The following SATL1 variants were observed in gnomAD, a reference collection of about 807,000 sequenced individuals.
SATL1 encodes the protein spermidine/spermine N(1)-acetyltransferase-like protein 1.
Under a neutral mutation model 51.8 loss-of-function variants are expected in SATL1, and 47 were observed. That is an observed-to-expected ratio of 0.91 (90% CI 0.72 to 1.16). The LOEUF (loss-of-function observed/expected upper bound fraction) is 1.16, where lower values mean the gene tolerates loss of function less well. Ranked by LOEUF, SATL1 falls within the 50% of genes most tolerant of loss-of-function variation. The pLI is 0.00. For synonymous variants in SATL1, 176 were observed against 182.4 expected, an observed-to-expected ratio of 0.97 and a Z score of 0.28; for missense variants, 520 against 526.4, an observed-to-expected ratio of 0.99 and a Z score of 0.12.
intron 2 of SATL1, among the ~76,000 whole-genome samples, chrX:85,162,472 T>C (rs1416003411): frequency 3.6e-5 from 4 of 111,770 alleles, no homozygotes; most frequent in African/African-American, 9.8e-5. Flanking sequence ...TATACTATCA[T>C]ATCACTGGTG....
rs1486199073 is a variant in SATL1 at position 85,224,195 on chromosome X, C to T, written c.-313+10G>A. On this transcript the variant is annotated intron_variant, in intron 2 of 7. Transcript: ENST00000644105. ...CCTCCAGAGGCTCTAGGGGAAAATC[C>T]ATTCCTTACCTCTTCCAACTTCTGA... 9.0e-6 allele frequency: 1 copy of T among 111,453 alleles called. No individual in the cohort carries two copies. The highest frequency in any genetic ancestry group is 1.9e-5 in the Non-Finnish European group (1 of 53,026). 9.2% of individuals were successfully genotyped at this position (111,453 alleles called of 1,213,427 possible).
chrX:85,232,455 C>A (rs1928400778), intron 1 of SATL1, among the ~76,000 whole-genome samples: 1 of 111,947 alleles, frequency 8.9e-6, no homozygotes, highest in Non-Finnish European at 1.9e-5. Flanking sequence ...GCTACCAGTT[C>A]AGCCACAGTG....
intron 2 of SATL1, among the ~76,000 whole-genome samples, chrX:85,195,538 C>T (rs189063649): frequency 2.7e-5 from 3 of 111,518 alleles, no homozygotes; most frequent in African/African-American, 3.3e-5. Flanking sequence ...ATAGGCTGGG[C>T]GCAGTGGCTC....
chrX:85,140,928 A>G (rs766640773), intron 2 of SATL1, among the ~76,000 whole-genome samples: 4 of 112,010 alleles, frequency 3.6e-5, no homozygotes, highest in Non-Finnish European at 7.5e-5. Flanking sequence ...TAAATCTCAC[A>G]TAACAAGAAG....
At chrX:85,146,263 C>T (rs1410520861) in intron 2 of SATL1, among the ~76,000 whole-genome samples, 1 of 111,576 alleles carries the variant, frequency 9.0e-6, no homozygotes, top group Non-Finnish European at 1.9e-5. Flanking sequence ...TTACTATGTC[C>T]AATTTATAAA....
intron 2 of SATL1, chrX:85,143,337 C>A (rs1926152862): frequency 9.0e-6 from 1 of 111,105 alleles, no homozygotes; most frequent in Non-Finnish European, 1.9e-5. Context: ...CCTATATAAA[C>A]CATTCACAAT....
intron 2 of SATL1, among the ~76,000 whole-genome samples, chrX:85,120,414 G>C (rs7883192): frequency 0.047 from 5,203 of 111,516 alleles, 143 homozygotes; most frequent in Middle Eastern, 0.11. Context: ...TTTAAAAACT[G>C]TTCAGAGGAA....
At chrX:85,190,226 A>G (rs1002777326) in intron 2 of SATL1, among the ~76,000 whole-genome samples, 3 of 112,281 alleles carry the variant, frequency 2.7e-5, no homozygotes, top group Admixed American at 9.5e-5. Context: ...ATAAAATTAG[A>G]AAGTTTTATT....
intron 4 of SATL1, among the ~76,000 whole-genome samples, chrX:85,096,555 ACT>A (rs1488294359): frequency 2.7e-5 from 3 of 111,355 alleles, no homozygotes; most frequent in Non-Finnish European, 5.6e-5. Flanking sequence ...AGCTCAACAA[ACT>A]CTAACTAGGA....
At chrX:85,119,333 G>A (rs1050868880) in intron 2 of SATL1, among the ~76,000 whole-genome samples, 7 of 111,336 alleles carry the variant, frequency 6.3e-5, no homozygotes, top group African/African-American at 1.6e-4. Context: ...AAAGTATTGC[G>A]GAAAAAGTAG....
At chrX:85,158,027 G>A (rs1019165808) in intron 2 of SATL1, among the ~76,000 whole-genome samples, 6 of 111,611 alleles carry the variant, frequency 5.4e-5, no homozygotes, top group Non-Finnish European at 7.5e-5. Context: ...GTGTCCAGAT[G>A]CACTTTGCTC....
intron 5 of SATL1, 108 bp from the exon 6 acceptor site, chrX:85,094,337 T>C (rs1924627230): frequency 2.1e-6 from 1 of 470,166 alleles, no homozygotes; most frequent in East Asian, 3.6e-5. Flanking sequence ...AAGTAATAAA[T>C]GCTCACTGGA....
rs912292497 is a variant in SATL1 at position 85,215,243 on chromosome X, G to A, written c.-313+8962C>T. 3.6e-5 allele frequency among the ~76,000 whole-genome samples: 4 copies of A among 111,621 alleles called. No homozygotes were observed. In the Admixed American group the frequency reaches 3.8e-4, roughly 11 times the overall value. Reference sequence around the variant, plus strand: ...GGAAGGAACATCCTGAGACAGCACAGGACAGCAGAACCTGGGCCTGGCTCC... The same window carrying A: ...GGAAGGAACATCCTGAGACAGCACAAGACAGCAGAACCTGGGCCTGGCTCC... On this transcript the variant is annotated intron_variant, in intron 2 of 7. Coordinates refer to ENST00000644105, the MANE Select transcript of SATL1 (RefSeq NM_001367857.2).
chrX:85,217,372 C>T (rs1263949225), intron 2 of SATL1, among the ~76,000 whole-genome samples: 1 of 110,666 alleles, frequency 9.0e-6, no homozygotes, highest in Non-Finnish European at 1.9e-5. Flanking sequence ...GTAGCTACCT[C>T]AGTCAAAAAG....
In SATL1 at chrX:85,133,269, T is replaced by C. The variant is rs1376574583; in HGVS notation, c.-312-23989A>G. Among the ~76,000 whole-genome samples the C allele has an allele frequency of 7.1e-5, 8 of 111,948 alleles. 1 individual carries two copies. In the Admixed American group the frequency reaches 7.5e-4, roughly 11 times the overall value. The stretch of plus-strand genomic sequence containing the variant: ...CTATGCCGTGCCTCCAGAGGTGGGG[T>C]CTACAGAGGCAGGTGGGCCTCGTTG... On this transcript the variant is annotated intron_variant, in intron 2 of 7. Coordinates refer to ENST00000644105, the MANE Select transcript of SATL1 (RefSeq NM_001367857.2).
intron 2 of SATL1, among the ~76,000 whole-genome samples, chrX:85,151,347 C>T (rs1042175446): frequency 9.0e-6 from 1 of 111,513 alleles, no homozygotes; most frequent in Non-Finnish European, 1.9e-5. Context: ...ACATTCCATG[C>T]TCATGGGTAG....
At chrX:85,102,524 C>A (rs1317140460) in intron 4 of SATL1, among the ~76,000 whole-genome samples, 2 of 111,379 alleles carry the variant, frequency 1.8e-5, no homozygotes, top group African/African-American at 3.3e-5. Context: ...ATCTCACCGG[C>A]CTCTATACAA....
At chrX:85,235,654 C>T (rs945698809) in intron 1 of SATL1, among the ~76,000 whole-genome samples, 7 of 110,383 alleles carry the variant, frequency 6.3e-5, no homozygotes, top group African/African-American at 2.0e-4. Context: ...AATGGAAACA[C>T]GATATACCAA....
chrX:85,224,469 T>C (rs915615308), intron 1 of SATL1, 143 bp from the exon 2 acceptor site: 1 of 111,789 alleles, frequency 8.9e-6, no homozygotes, highest in Non-Finnish European at 1.9e-5. Flanking sequence ...TGATAAAATT[T>C]TTTTCTATTC....
Sources: gnomAD v4.1 joint callset for allele counts (sites outside exome capture counted in the v4.1 genomes callset) on GRCh38, gnomAD v4.1.1 for gene constraint, MANE v1.5 for transcripts, NCBI Gene and HGNC (gene_info 2026-07-23, HGNC 2026-07-21) for gene names.